The following RHOT1 variants were observed in gnomAD, a reference collection of about 807,000 sequenced individuals.
RHOT1 encodes the protein mitochondrial Rho GTPase 1.
RHOT1 carries 27 observed loss-of-function variants against 95.3 expected under a neutral mutation model. The observed-to-expected ratio is 0.28, with a 90% CI of 0.21 to 0.39. RHOT1 has a LOEUF of 0.39. RHOT1 is among the 10% of genes least tolerant of loss of function. The pLI is 1.00. For synonymous variants in RHOT1, 227 were observed against 263.5 expected, an observed-to-expected ratio of 0.86 and a Z score of 1.34; for missense variants, 578 against 786.7, an observed-to-expected ratio of 0.73 and a Z score of 3.17.
chr17:32,149,619 A>G (rs1251819549), intron 1 of RHOT1, among the ~76,000 whole-genome samples: 5,743 of 88,362 alleles, frequency 0.065, 709 homozygotes, highest in African/African-American at 0.32. Context: ...ATATATATAT[A>G]TATATATATA....
At chr17:32,217,542 G>A (rs1402311658) in intron 19 of RHOT1, among the ~76,000 whole-genome samples, 1 of 152,016 alleles carries the variant, frequency 6.6e-6, no homozygotes, top group Non-Finnish European at 1.5e-5. Flanking sequence ...AGATCACGAG[G>A]TCAAGAGATT....
intron 6 of RHOT1, among the ~76,000 whole-genome samples, chr17:32,181,051 T>C (rs2035596319): frequency 6.6e-6 from 1 of 152,208 alleles, no homozygotes; most frequent in Non-Finnish European, 1.5e-5. Context: ...ATTTGGGCTA[T>C]ATGGTGGTCG....
intron 15 of RHOT1, among the ~76,000 whole-genome samples, chr17:32,203,201 T>C (rs1191117885): frequency 2.0e-5 from 3 of 151,996 alleles, no homozygotes; most frequent in African/African-American, 7.3e-5. Flanking sequence ...GAATTGAATA[T>C]TGATATCTAG....
intron 3 of RHOT1, among the ~76,000 whole-genome samples, chr17:32,174,896 G>T (rs1208374305): frequency 6.6e-6 from 1 of 152,112 alleles, no homozygotes; most frequent in African/African-American, 2.4e-5. Flanking sequence ...CTGGGTCTTG[G>T]TTATTATTAC....
chr17:32,209,357 C>T, intron 18 of RHOT1: 1 of 1,595,580 alleles, frequency 6.3e-7, no homozygotes, highest in Non-Finnish European at 8.6e-7. Flanking sequence ...CAGAGAGGAT[C>T]ATTACAGAGA....
At chr17:32,215,611 A>G (rs1402596454) in intron 19 of RHOT1, among the ~76,000 whole-genome samples, 1 of 152,170 alleles carries the variant, frequency 6.6e-6, no homozygotes, top group Non-Finnish European at 1.5e-5. Flanking sequence ...ATAACCTGAT[A>G]ATGAATTTAG....
intron 1 of RHOT1, among the ~76,000 whole-genome samples, chr17:32,146,620 T>TA (rs2031379330): frequency 1.4e-5 from 2 of 146,774 alleles, no homozygotes; most frequent in Non-Finnish European, 3.0e-5. Context: ...TAATTTTTTT[T>TA]TTTTTTTTTT....
intron 13 of RHOT1, among the ~76,000 whole-genome samples, chr17:32,200,327 A>G (rs1249179629): frequency 6.6e-6 from 1 of 152,026 alleles, no homozygotes; most frequent in African/African-American, 2.4e-5. Context: ...TAGATCGCAT[A>G]AAATATCCCC....
At chr17:32,209,195 ACTG>A in intron 18 of RHOT1, 1 of 404,330 alleles carries the variant, frequency 2.5e-6, no homozygotes, top group Non-Finnish European at 4.4e-6. Flanking sequence ...AGTTAACTTT[ACTG>A]CTATTTTATT....
rs1223623021 is a variant in RHOT1 at position 32,203,254 on chromosome 17, T to TTTC, written c.1332+369_1332+371dup. On this transcript the variant is annotated intron_variant, in intron 15 of 19. Transcript: ENST00000545287. ...AGTAAGAAGAAGAAGACATATTTCTTTTCTTCTTCTTCTTCTTTTTTTTTT... is the reference window on the plus strand; with the variant it reads ...AGTAAGAAGAAGAAGACATATTTCTTTTCTTCTTCTTCTTCTTCTTTTTTTTTT... 3.4e-3 allele frequency among the ~76,000 whole-genome samples: 426 copies of TTTC among 126,758 alleles called. 5 individuals carry two copies. Among genetic ancestry groups the TTTC allele is most frequent in the African/African-American group, 0.01 (289 of 27,942 alleles). 83.2% of individuals were successfully genotyped at this position (126,758 alleles called of 152,430 possible).
Position 32,186,644 on chromosome 17 carries a change from C to T in RHOT1, c.540+3372C>T, listed in dbSNP as rs936128006. On this transcript the variant is annotated intron_variant, in intron 8 of 19. Coordinates refer to ENST00000545287, the MANE Select transcript of RHOT1 (RefSeq NM_001033566.3). The stretch of plus-strand genomic sequence containing the variant: ...CCCCCCAAAGTGCTGGGATTACAGG[C>T]GTGAGCCACTGCGCCCGGCCCCCAT... 5.3e-5 allele frequency among the ~76,000 whole-genome samples: 8 copies of T among 151,962 alleles called. No homozygotes were observed. The East Asian group carries it at 1.4e-3, about 26-fold the overall frequency.
chr17:32,180,764 G>A (rs887908524), intron 6 of RHOT1, among the ~76,000 whole-genome samples: 66 of 150,680 alleles, frequency 4.4e-4, no homozygotes, highest in African/African-American at 1.6e-3. Context: ...CACCAGCTTG[G>A]ACCACTGAAT....
intron 2 of RHOT1, 72 bp from the exon 3 acceptor site, chr17:32,173,759 A>G: frequency 2.0e-6 from 2 of 1,000,448 alleles, no homozygotes; most frequent in East Asian, 2.4e-5. Flanking sequence ...ATAAATTTAT[A>G]TCATCTATTA....
At chr17:32,189,736 C>CTTTTTTTTTTTTT (rs71362807) in intron 8 of RHOT1, among the ~76,000 whole-genome samples, 1 of 124,396 alleles carries the variant, frequency 8.0e-6, no homozygotes, top group Non-Finnish European at 1.7e-5. Flanking sequence ...CTTTTCTTTT[C>CTTTTTTTTTTTTT]TTTTTTTTTT....
intron 8 of RHOT1, among the ~76,000 whole-genome samples, chr17:32,185,417 CT>C (rs1319067358): frequency 1.3e-5 from 2 of 151,400 alleles, no homozygotes; most frequent in Non-Finnish European, 2.9e-5. Flanking sequence ...GCCTACTCTC[CT>C]TTTTTTTGGG....
intron 1 of RHOT1, among the ~76,000 whole-genome samples, chr17:32,155,393 C>G (rs1428789866): frequency 6.6e-6 from 1 of 151,970 alleles, no homozygotes; most frequent in Non-Finnish European, 1.5e-5. Context: ...ATCTCCTGAC[C>G]CTGTGATCTG....
intron 16 of RHOT1, among the ~76,000 whole-genome samples, chr17:32,205,191 CT>C (rs942358627): frequency 1.3e-5 from 2 of 151,960 alleles, no homozygotes; most frequent in African/African-American, 2.4e-5. Flanking sequence ...TGACAGGCCC[CT>C]GTGTGTGATG....
At chr17:32,182,482 T>C (rs2142662664) in intron 6 of RHOT1, among the ~76,000 whole-genome samples, 1 of 152,230 alleles carries the variant, frequency 6.6e-6, no homozygotes, top group African/African-American at 2.4e-5. Flanking sequence ...CTAGACCCTG[T>C]CTCAAGAAAA....
intron 1 of RHOT1, among the ~76,000 whole-genome samples, chr17:32,170,403 A>T (rs1188068466): frequency 6.6e-6 from 1 of 152,200 alleles, no homozygotes; most frequent in Non-Finnish European, 1.5e-5. Flanking sequence ...CAACGGAGTG[A>T]GACTCCATCT....
Sources: allele counts gnomAD v4.1 joint callset (sites outside exome capture counted in the v4.1 genomes callset), GRCh38; gene constraint gnomAD v4.1.1; transcripts MANE v1.5; gene names NCBI Gene and HGNC (gene_info 2026-07-23, HGNC 2026-07-21).